Variants in MDGA2 observed in about 807,000 individuals in gnomAD.
MDGA2 encodes MAM domain containing glycosylphosphatidylinositol anchor 2, also known as MAM domain-containing glycosylphosphatidylinositol anchor protein 2.
A neutral mutation model predicts 117.8 loss-of-function variants in MDGA2; 40 were observed. The observed-to-expected ratio is 0.34, with a 90% confidence interval of 0.26 to 0.44. The LOEUF is 0.44. Ranked by LOEUF, MDGA2 falls within the 20% of genes least tolerant of loss-of-function variation. The pLI, the probability that MDGA2 is intolerant of heterozygous loss-of-function variation, is 1.00. For missense variants in MDGA2, 1,123 were observed against 1,250.6 expected, an observed-to-expected ratio of 0.90 and a Z score of 1.54; for synonymous variants, 452 against 439.0, an observed-to-expected ratio of 1.03 and a Z score of -0.37.
At chr14:47,393,451 T>A (rs1891940776) in intron 1 of MDGA2, among the ~76,000 whole-genome samples, 1 of 152,060 alleles carries the variant, frequency 6.6e-6, no homozygotes, top group Non-Finnish European at 1.5e-5. Context: ...ATGAATATAT[T>A]TGCCATGTTA....
chr14:46,882,260 G>A, intron 10 of MDGA2, 39 bp from the exon 11 acceptor site: 5 of 1,537,384 alleles, frequency 3.3e-6, no homozygotes, highest in Non-Finnish European at 4.4e-6. Flanking sequence ...TTCCCAGTAT[G>A]TTCTTCAGAG....
At chr14:47,099,791 T>C (rs1162481456) in intron 5 of MDGA2, among the ~76,000 whole-genome samples, 2 of 152,054 alleles carry the variant, frequency 1.3e-5, no homozygotes, top group Non-Finnish European at 2.9e-5. Flanking sequence ...TGGGGGAAAA[T>C]ACTTGTAACT....
At chr14:47,614,094 T>TC (rs1022937424) in intron 1 of MDGA2, among the ~76,000 whole-genome samples, 1 of 143,646 alleles carries the variant, frequency 7.0e-6, no homozygotes, top group African/African-American at 2.6e-5. Flanking sequence ...TTTTCTTTTT[T>TC]CTTTTTTTTT....
chr14:47,243,534 C>T (rs965170022), intron 2 of MDGA2, among the ~76,000 whole-genome samples: 9 of 151,626 alleles, frequency 5.9e-5, no homozygotes, highest in Admixed American at 5.9e-4. Context: ...AGCTTCACTC[C>T]TGAGCCCAGC....
At chr14:47,422,708 T>C (rs1892604479) in intron 1 of MDGA2, among the ~76,000 whole-genome samples, 1 of 152,138 alleles carries the variant, frequency 6.6e-6, no homozygotes, top group African/African-American at 2.4e-5. Context: ...AGTGCAAAAA[T>C]AAAGTTAAAA....
intron 2 of MDGA2, among the ~76,000 whole-genome samples, chr14:47,277,214 C>T (rs1171651017): frequency 6.6e-6 from 1 of 152,186 alleles, no homozygotes; most frequent in Admixed American, 6.5e-5. Flanking sequence ...GAGCACTTCC[C>T]TTAACAAATC....
At chr14:47,567,615 G>A (rs1332194594) in intron 1 of MDGA2, among the ~76,000 whole-genome samples, 3 of 152,280 alleles carry the variant, frequency 2.0e-5, no homozygotes, top group East Asian at 3.9e-4. Context: ...TGGGAGGGCT[G>A]AACACATGCT....
In MDGA2 at chr14:47,528,266, A is replaced by C. The variant is rs562489579; in HGVS notation, c.280+146251T>G. Among the ~76,000 whole-genome samples, 9 of 152,118 alleles carry C rather than the reference A, an allele frequency of 5.9e-5. No homozygotes were observed. The South Asian group carries it at 1.7e-3, about 28-fold the overall frequency. ...CCTCTGACCCACCATGCTCTCATTC[A>C]ATCAAATTTAATCAGTGCTTATCGT... is the stretch of plus-strand genomic sequence containing the variant. On this transcript the variant is annotated intron_variant, in intron 1 of 16. Coordinates refer to ENST00000399232, the MANE Select transcript of MDGA2 (RefSeq NM_001113498.3).
At chr14:47,383,803 G>C (rs1891690776) in intron 1 of MDGA2, among the ~76,000 whole-genome samples, 1 of 152,042 alleles carries the variant, frequency 6.6e-6, no homozygotes, top group Admixed American at 6.6e-5. Flanking sequence ...GGTATTACTG[G>C]CGTGAACCAC....
At chr14:47,433,625 G>T (rs1208092510) in intron 1 of MDGA2, among the ~76,000 whole-genome samples, 1 of 151,982 alleles carries the variant, frequency 6.6e-6, no homozygotes, top group Non-Finnish European at 1.5e-5. Flanking sequence ...AGAAATTCTG[G>T]ATTCACGACA....
At chr14:46,853,494 G>GA (rs571588870) in intron 15 of MDGA2, among the ~76,000 whole-genome samples, 1 of 151,680 alleles carries the variant, frequency 6.6e-6, no homozygotes, top group East Asian at 1.9e-4. Flanking sequence ...GAATGATAAG[G>GA]AAAATCTTAA....
chr14:47,478,105 G>T (rs1398818361), intron 1 of MDGA2, among the ~76,000 whole-genome samples: 1 of 152,094 alleles, frequency 6.6e-6, no homozygotes, highest in African/African-American at 2.4e-5. Flanking sequence ...CAATGCCAAA[G>T]GCAAAACTCA....
At chr14:46,921,626 A>G (rs1300145159) in intron 9 of MDGA2, among the ~76,000 whole-genome samples, 1 of 151,952 alleles carries the variant, frequency 6.6e-6, no homozygotes, top group Non-Finnish European at 1.5e-5. Context: ...CAAAAAAAAA[A>G]AAAGAAAAGA....
intron 6 of MDGA2, among the ~76,000 whole-genome samples, chr14:47,070,908 T>C (rs1890258479): frequency 6.6e-6 from 1 of 152,212 alleles, no homozygotes; most frequent in Non-Finnish European, 1.5e-5. Context: ...GCACCCAGCC[T>C]ATTCCAGTAC....
intron 6 of MDGA2, among the ~76,000 whole-genome samples, chr14:47,070,598 T>C: frequency 6.6e-6 from 1 of 151,988 alleles, no homozygotes; most frequent in East Asian, 1.9e-4. Context: ...GTACTTTTTT[T>C]TTATTATTTT....
intron 1 of MDGA2, among the ~76,000 whole-genome samples, chr14:47,432,260 T>G (rs753463381): frequency 1.6e-4 from 25 of 152,078 alleles, no homozygotes; most frequent in Non-Finnish European, 2.9e-5. Flanking sequence ...TGTCCAGAGT[T>G]AAAAGATATT....
intron 1 of MDGA2, among the ~76,000 whole-genome samples, chr14:47,643,875 C>A (rs1009152085): frequency 2.2e-4 from 34 of 152,046 alleles, no homozygotes; most frequent in African/African-American, 8.2e-4. Context: ...CTGATTAAAT[C>A]AGTTCTTAAA....
intron 8 of MDGA2, among the ~76,000 whole-genome samples, chr14:47,031,307 G>A (rs1339356891): frequency 6.6e-6 from 1 of 151,674 alleles, no homozygotes; most frequent in African/African-American, 2.4e-5. Flanking sequence ...TTCATTCTGT[G>A]CTCCTTTAGT....
rs149016666 is a variant in MDGA2, at chr14:47,255,858, T to C, written c.421-37663A>G. Among the ~76,000 whole-genome samples, 18 of 152,204 alleles carry C rather than the reference T, an allele frequency of 1.2e-4. No homozygotes were observed. The East Asian group carries it at 3.1e-3, about 26-fold the overall frequency. On this transcript the variant is annotated intron_variant, in intron 2 of 16. Transcript: ENST00000399232. ...CCTGCTTGTCTGGTAAATGAGATCA[T>C]AGAATAAGTATTACTGGAAACCAGT...
Sources: allele counts gnomAD v4.1 joint callset (sites outside exome capture counted in the v4.1 genomes callset), GRCh38; gene constraint gnomAD v4.1.1; transcripts MANE v1.5; gene names NCBI Gene and HGNC (gene_info 2026-07-23, HGNC 2026-07-21).